FAM83F: variants seen among roughly 807,000 people sequenced by gnomAD.
FAM83F encodes the protein scaffolding CK1 anchoring protein F.
Under a neutral mutation model 42.9 loss-of-function variants are expected in FAM83F, and 45 were observed. The observed-to-expected ratio is 1.05, with a 90% CI of 0.83 to 1.35. The LOEUF is 1.35. Ranked by LOEUF, FAM83F falls within the 40% of genes most tolerant of loss-of-function variation. The pLI, the probability that FAM83F is intolerant of heterozygous loss-of-function variation, is 0.00. For missense variants in FAM83F, 617 were observed against 695.9 expected (o/e 0.89, Z 1.28); for synonymous variants, 306 against 298.3 (o/e 1.03, Z -0.27).
intron 1 of FAM83F, chr22:39,998,871 T>C (rs932016772): frequency 2.0e-5 from 3 of 152,128 alleles, no homozygotes; most frequent in East Asian, 1.9e-4. Context: ...CCAGGGGAAG[T>C]TGCTGATGCA....
chr22:39,995,162 C>T lies in FAM83F; in HGVS notation c.120C>T (p.Gly40=). 3.6e-6 allele frequency: 5 copies of T among 1,397,780 alleles called. No homozygotes were observed. The highest frequency in any genetic ancestry group is 4.6e-6 in the Non-Finnish European group (5 of 1,085,126). 86.6% of individuals were successfully genotyped at this position (1,397,780 alleles called of 1,614,324 possible). A position where few individuals can be genotyped will look rare whatever the true frequency, so the allele number is the denominator to read the frequency against. The change falls in exon 1 of 5, where the codon GGC becomes GGT. Residue 40 remains glycine (G), a synonymous_variant. Coordinates refer to ENST00000333407, the MANE Select transcript of FAM83F (RefSeq NM_138435.4). The surrounding 1 kb of genome is among the most constrained non-coding windows in gnomAD (Gnocchi z 4.6). ...GGGCCGCGCTGGAGGCGCTGCTGGG[C>T]GGCGGCGAGCAGGCCTACCGCGAGC... is the stretch of plus-strand genomic sequence containing the variant. ...RRRAALEALL[G]GGEQAYRERL... is the part of the protein sequence containing the mutation.
chr22:40,000,394 C>T (rs138483234), intron 1 of FAM83F, among the ~76,000 whole-genome samples: 8 of 152,254 alleles, frequency 5.3e-5, no homozygotes, highest in Admixed American at 3.3e-4. Context: ...CAGATGCCCC[C>T]GGGCATGGCA....
chr22:40,013,082 CAAAAAAA>C (rs754625979), intron 1 of FAM83F, among the ~76,000 whole-genome samples: 64 of 46,406 alleles, frequency 1.4e-3, no homozygotes, highest in Non-Finnish European at 2.1e-3. Context: ...GACTCCGTTT[CAAAAAAA>C]AAAAAAAAAA....
In FAM83F at chr22:39,995,413, C is replaced by T. The variant is rs778256073; in HGVS notation, c.371C>T (p.Thr124Met). ...GTGCCTCCTCTGGACCTGGGCTGGA[C>T]GGACACTGGTTTCTACCGCGGCGTG... ...TEVPPLDLGW[T>M]DTGFYRGVSR... Residue 124 changes from threonine (T) to methionine (M), a missense_variant, in exon 1 of 5, where the codon ACG (threonine) becomes ATG (methionine). Physicochemically the swap from Thr to Met is moderately conservative, Grantham distance 81. Transcript: ENST00000333407. The surrounding 1 kb of genome is among the most constrained non-coding windows in gnomAD (Gnocchi z 4.6). 2.6e-5 allele frequency: 40 copies of T among 1,550,258 alleles called. No homozygotes were observed. The South Asian group carries it at 4.4e-4, about 17-fold the overall frequency.
intron 1 of FAM83F, among the ~76,000 whole-genome samples, chr22:40,013,327 G>A (rs955547689): frequency 6.6e-6 from 1 of 152,098 alleles, no homozygotes; most frequent in Non-Finnish European, 1.5e-5. Flanking sequence ...TTTTCTCTAT[G>A]TAGTAAGCCA....
At chr22:40,029,080 CGTGTGTGTGTGTGTGTGTGTGT>C (rs55770640) in intron 4 of FAM83F, among the ~76,000 whole-genome samples, 113 of 130,610 alleles carry the variant, frequency 8.7e-4, no homozygotes, top group South Asian at 3.9e-3. Context: ...CTTGGCTAGA[CGTGTGTGTGTGTGTGTGTGTGT>C]GTGTGTGTGT....
chr22:40,021,797 G>T lies in FAM83F; in HGVS notation c.1287G>T (p.Arg429=). 6.2e-7 allele frequency: 1 copy of T among 1,612,654 alleles called. No homozygotes were observed. The highest frequency in any genetic ancestry group is 8.5e-7 in the Non-Finnish European group (1 of 1,179,704). The change falls in exon 4 of 5, where the codon CGG becomes CGT. Residue 429 remains arginine (R), a synonymous_variant. Transcript: ENST00000333407. This position sits in a 1 kb window ranked among gnomAD's most constrained non-coding sequence, Gnocchi z 8.7. ...GAAACGGCATGGGAGAAGCGGCCCG[G>T]GGGGAGGCCGCCCCCGCCAGGCGCT... is the stretch of plus-strand genomic sequence containing the variant. ...PSRNGMGEAA[R]GEAAPARRFS... is the part of the protein sequence containing the mutation.
In FAM83F at chr22:40,021,671, C is replaced by A. The variant is rs776961253; in HGVS notation, c.1161C>A (p.Pro387=). 6.2e-7 allele frequency: 1 copy of A among 1,610,750 alleles called. No homozygotes were observed. Among genetic ancestry groups the A allele is most frequent in the African/African-American group, 1.3e-5 (1 of 74,874 alleles). The change falls in exon 4 of 5, where the codon CCC becomes CCA. Residue 387 remains proline (P), a synonymous_variant. Coordinates refer to ENST00000333407, the MANE Select transcript of FAM83F (RefSeq NM_138435.4). The surrounding 1 kb of genome is among the most constrained non-coding windows in gnomAD (Gnocchi z 8.7). ...TTACGGTGGAGCAGGTGCTGCCCCC[C>A]GTGGAGCCCATCCCCTTGGGAGAGC... ...DLVTVEQVLP[P]VEPIPLGELS...
rs1241819040 is a variant in FAM83F at position 40,021,415 on chromosome 22, G to T, written c.905G>T (p.Arg302Leu). The T allele has an allele frequency of 1.2e-6, 2 of 1,613,602 alleles. No individual in the cohort carries two copies. Among genetic ancestry groups the T allele is most frequent in the South Asian group, 1.1e-5 (1 of 91,026 alleles). ...YAISEEVDLY[R>L]QLSLAGRVGL... ...ATCTCCGAGGAGGTGGACTTGTACCGGCAGCTGAGCCTGGCGGGCAGGGTT... is the reference window on the plus strand; with the variant it reads ...ATCTCCGAGGAGGTGGACTTGTACCTGCAGCTGAGCCTGGCGGGCAGGGTT... Residue 302 changes from arginine to leucine, a missense_variant, in exon 4 of 5, where the codon CGG becomes CTG. Physicochemically the swap from Arg to Leu is moderately radical, Grantham distance 102. Transcript: ENST00000333407. The surrounding 1 kb of genome is among the most constrained non-coding windows in gnomAD (Gnocchi z 8.7).
chr22:40,034,109 G>C lies in FAM83F; in HGVS notation c.*4544G>C, dbSNP rs2067606375. The C allele has an allele frequency of 6.6e-6, 1 of 152,260 alleles. No homozygotes were observed. Among genetic ancestry groups the C allele is most frequent in the African/African-American group, 2.4e-5 (1 of 41,442 alleles). The allele number at this position is 152,260 out of a possible 1,614,324, so 9.4% of individuals were successfully genotyped here. ...CAGAGAGCCTTCCACACTCAAGTCA[G>C]GCCAAGCAGGAATCGCTACCTGCCT... On this transcript the variant is annotated 3_prime_UTR_variant, in exon 5 of 5. Transcript: ENST00000333407.
At chr22:40,004,478 T>C (rs1298630367) in intron 1 of FAM83F, among the ~76,000 whole-genome samples, 2 of 151,976 alleles carry the variant, frequency 1.3e-5, no homozygotes, top group East Asian at 3.9e-4. Flanking sequence ...AATTTTTGTA[T>C]TTTTAGTAGA....
rs1038219401 is a variant in FAM83F, at chr22:40,040,836, T to C, written c.*11271T>C. The stretch of plus-strand genomic sequence containing the variant: ...TTCCCATTGTTATAAGCTTCAAGAA[T>C]TGGAGAATGCTTAATGAACACTTCC... On this transcript the variant is annotated 3_prime_UTR_variant, in exon 5 of 5. Transcript: ENST00000333407. 1.3e-5 allele frequency: 2 copies of C among 152,188 alleles called. No homozygotes were observed. Among genetic ancestry groups the C allele is most frequent in the East Asian group, 3.9e-4 (2 of 5,194 alleles). 9.4% of individuals were successfully genotyped at this position (152,188 alleles called of 1,614,324 possible). A position where few individuals can be genotyped will look rare whatever the true frequency, so the allele number is the denominator to read the frequency against.
chr22:40,024,485 C>T (rs548367866), intron 4 of FAM83F, among the ~76,000 whole-genome samples: 1 of 152,342 alleles, frequency 6.6e-6, no homozygotes, highest in Admixed American at 6.5e-5. Flanking sequence ...GAGCTCCTGC[C>T]TTTGGGCCCC....
intron 3 of FAM83F, among the ~76,000 whole-genome samples, chr22:40,020,579 T>A (rs907164716): frequency 3.3e-5 from 5 of 152,002 alleles, no homozygotes; most frequent in African/African-American, 4.8e-5. Flanking sequence ...GCCAGGCTGG[T>A]CTCGAACTTT....
chr22:40,038,065 C>T lies in FAM83F; in HGVS notation c.*8500C>T, dbSNP rs907662170. 1.3e-5 allele frequency: 2 copies of T among 152,204 alleles called. No individual in the cohort carries two copies. The highest frequency in any genetic ancestry group is 2.9e-5 in the Non-Finnish European group (2 of 68,066). 9.4% of individuals were successfully genotyped at this position (152,204 alleles called of 1,614,324 possible). On this transcript the variant is annotated 3_prime_UTR_variant, in exon 5 of 5. Transcript: ENST00000333407. ...TCATTCGTTCATTCATTTGTTCAAACGAACTTATTGAGAACTTACTGTGTT... is the reference window on the plus strand; with the variant it reads ...TCATTCGTTCATTCATTTGTTCAAATGAACTTATTGAGAACTTACTGTGTT...
At chr22:40,009,329 T>G (rs1474345526) in intron 1 of FAM83F, among the ~76,000 whole-genome samples, 1 of 151,708 alleles carries the variant, frequency 6.6e-6, no homozygotes, top group African/African-American at 2.4e-5. Flanking sequence ...GGGGTGAAGC[T>G]GGGGCTCTTT....
chr22:40,014,131 C>CTTTTT (rs57224519), intron 1 of FAM83F, among the ~76,000 whole-genome samples: 1,014 of 116,634 alleles, frequency 8.7e-3, no homozygotes, highest in East Asian at 0.021. Context: ...TATTTCTTTT[C>CTTTTT]TTTTTTTTTT....
chr22:40,005,735 G>T (rs2067423883), intron 1 of FAM83F, among the ~76,000 whole-genome samples: 1 of 152,244 alleles, frequency 6.6e-6, no homozygotes, highest in African/African-American at 2.4e-5. Context: ...CCCACACTGA[G>T]GTAGAGGGCT....
intron 4 of FAM83F, 70 bp downstream of exon 4, chr22:40,022,033 C>A (rs976554365): frequency 7.6e-6 from 10 of 1,316,500 alleles, no homozygotes; most frequent in East Asian, 2.4e-5. Context: ...GGCTCTTATC[C>A]AGGAGCACTG....
Sources: allele counts gnomAD v4.1 joint callset (sites outside exome capture counted in the v4.1 genomes callset), GRCh38; gene constraint gnomAD v4.1.1; non-coding constraint Gnocchi (gnomAD v3.1); transcripts MANE v1.5; gene names NCBI Gene and HGNC (gene_info 2026-07-23, HGNC 2026-07-21).